Variants in PTP4A3 observed in about 807,000 individuals in gnomAD.
The protein encoded by PTP4A3 is protein tyrosine phosphatase type IVA 3.
Under a neutral mutation model 15.2 loss-of-function variants are expected in PTP4A3, and 9 were observed. The ratio of observed to expected loss-of-function variants is 0.59; its 90% confidence interval spans 0.36 to 1.03. The LOEUF (loss-of-function observed/expected upper bound fraction) is 1.03. Among genes scored for constraint, PTP4A3 ranks in the 50% least tolerant of loss-of-function variants. The probability of loss-of-function intolerance (pLI) is 0.02; values close to 1 mark genes in which losing one functional copy is unlikely to be tolerated. For synonymous variants in PTP4A3, 95 were observed against 102.0 expected (o/e 0.93, Z 0.41); for missense variants, 234 against 252.1 (o/e 0.93, Z 0.49).
chr8:141,417,182 C>T (rs141380256), intron 1 of PTP4A3, among the ~76,000 whole-genome samples: 141 of 152,264 alleles, frequency 9.3e-4, no homozygotes, highest in African/African-American at 3.2e-3. Flanking sequence ...GCATCAGTGC[C>T]GAGCCTCAGA....
At chr8:141,418,764 C>T (rs1338826026) in intron 1 of PTP4A3, among the ~76,000 whole-genome samples, 1 of 152,162 alleles carries the variant, frequency 6.6e-6, no homozygotes, top group African/African-American at 2.4e-5. Flanking sequence ...CCCCATTTCG[C>T]AGATGGGAAG....
At chr8:141,395,450 G>T (rs1358428296) in intron 1 of PTP4A3, among the ~76,000 whole-genome samples, 1 of 152,202 alleles carries the variant, frequency 6.6e-6, no homozygotes, top group Non-Finnish European at 1.5e-5. Flanking sequence ...CGGAACTGAG[G>T]GTCAGGGATG....
intron 1 of PTP4A3, among the ~76,000 whole-genome samples, chr8:141,403,274 G>T (rs958256534): frequency 1.3e-5 from 2 of 152,220 alleles, no homozygotes; most frequent in Non-Finnish European, 2.9e-5. Flanking sequence ...GCTGGGCACC[G>T]TGTGTGCCGT....
Position 141,422,364 on chromosome 8 carries a change from G to A in PTP4A3, c.105+19G>A, listed in dbSNP as rs369508086. 5.6e-6 allele frequency: 9 copies of A among 1,612,718 alleles called. No homozygotes were observed. Among genetic ancestry groups the A allele is most frequent in the African/African-American group, 5.3e-5 (4 of 74,922 alleles). On this transcript the variant is annotated intron_variant, in intron 2 of 5. Transcript: ENST00000521578. ...CATTGAGGTGAGTGGAGACGGAGGT[G>A]TGGCAGGCAGGTGGCCCAGGTGTCT...
chr8:141,395,801 G>T (rs1563722076), intron 1 of PTP4A3, among the ~76,000 whole-genome samples: 1 of 151,330 alleles, frequency 6.6e-6, no homozygotes, highest in Non-Finnish European at 1.5e-5. Flanking sequence ...TCCTCTCCTG[G>T]CATCTTCCCG....
chr8:141,394,292 G>C lies in PTP4A3; in HGVS notation c.-854+2208G>C, dbSNP rs1228785299. On this transcript the variant is annotated intron_variant, in intron 1 of 5. Transcript: ENST00000521578. ...GCTGGGAGCTCCTGGGCCTGGGGCT[G>C]GCAGATAGTGGTGATTTTTCGCCCC... Among the ~76,000 whole-genome samples the C allele has an allele frequency of 3.3e-5, 5 of 152,194 alleles. No individual in the cohort carries two copies. The East Asian group carries it at 9.6e-4, about 29-fold the overall frequency.
Position 141,412,628 on chromosome 8 carries a change from A to C in PTP4A3, c.-853-8760A>C, listed in dbSNP as rs548588749. Among the ~76,000 whole-genome samples, 9 of 152,322 alleles carry C rather than the reference A, an allele frequency of 5.9e-5. No homozygotes were observed. In the East Asian group the frequency reaches 1.2e-3, roughly 20 times the overall value. ...AAGGCCTGGCTCCATCCAGGCAGGCACATGGAATTCAGCCAAACTCTGGAT... is the reference window on the plus strand; with the variant it reads ...AAGGCCTGGCTCCATCCAGGCAGGCCCATGGAATTCAGCCAAACTCTGGAT... On this transcript the variant is annotated intron_variant, in intron 1 of 5. Coordinates refer to ENST00000521578, the MANE Select transcript of PTP4A3 (RefSeq NM_032611.3).
At chr8:141,429,015 C>T (rs1833720027) in intron 5 of PTP4A3, among the ~76,000 whole-genome samples, 1 of 152,272 alleles carries the variant, frequency 6.6e-6, no homozygotes, top group East Asian at 1.9e-4. Context: ...GTGGCTTTTG[C>T]TGTGTGGCTC....
chr8:141,406,793 G>A lies in PTP4A3; in HGVS notation c.-853-14595G>A, dbSNP rs1832737724. On this transcript the variant is annotated intron_variant, in intron 1 of 5. Coordinates refer to ENST00000521578, the MANE Select transcript of PTP4A3 (RefSeq NM_032611.3). This position sits in a 1 kb window ranked among gnomAD's most constrained non-coding sequence, Gnocchi z 4.5. ...AGCTCTCAAGGGCTGTAGGCACTTC[G>A]CCCTGAATCCTCCTCTGAGCCGGCT... 6.6e-6 allele frequency among the ~76,000 whole-genome samples: 1 copy of A among 152,094 alleles called. No individual in the cohort carries two copies. Among genetic ancestry groups the A allele is most frequent in the Admixed American group, 6.5e-5 (1 of 15,270 alleles).
In PTP4A3 at chr8:141,432,195, G is replaced by C. The variant is rs1223943863; in HGVS notation, c.*1151G>C. The C allele has an allele frequency of 6.6e-6, 1 of 152,108 alleles. No homozygotes were observed. Among genetic ancestry groups the C allele is most frequent in the Non-Finnish European group, 1.5e-5 (1 of 68,046 alleles). 9.4% of individuals were successfully genotyped at this position (152,108 alleles called of 1,614,324 possible). On this transcript the variant is annotated 3_prime_UTR_variant, in exon 6 of 6. Coordinates refer to ENST00000521578, the MANE Select transcript of PTP4A3 (RefSeq NM_032611.3). ...AGAGCCTGGGAGTGGTCTCCGTCCT[G>C]GGGCCCCAGGAGGTTCCCGCAAGGA...
intron 3 of PTP4A3, chr8:141,426,675 A>C: frequency 1.0e-6 from 1 of 985,332 alleles, no homozygotes; most frequent in Non-Finnish European, 1.2e-6. Context: ...CTCTATTCAG[A>C]AAGGGGTGGG....
In PTP4A3 at chr8:141,406,668, G is replaced by A. The variant is rs1279600645; in HGVS notation, c.-854+14584G>A. On this transcript the variant is annotated intron_variant, in intron 1 of 5. Coordinates refer to ENST00000521578, the MANE Select transcript of PTP4A3 (RefSeq NM_032611.3). This position sits in a 1 kb window ranked among gnomAD's most constrained non-coding sequence, Gnocchi z 4.5. ...AACTACAGTTTTGGTAGAGGTGCAA[G>A]TGGATTCTGTGTGGCACAGAAGATG... Among the ~76,000 whole-genome samples the A allele has an allele frequency of 6.6e-6, 1 of 152,216 alleles. No homozygotes were observed. The highest frequency in any genetic ancestry group is 1.5e-5 in the Non-Finnish European group (1 of 68,038).
At chr8:141,398,994 G>A (rs1832518048) in intron 1 of PTP4A3, among the ~76,000 whole-genome samples, 1 of 152,100 alleles carries the variant, frequency 6.6e-6, no homozygotes, top group South Asian at 2.1e-4. Flanking sequence ...CTTCCCACGG[G>A]ACCGGTGCTC....
At chr8:141,396,771 T>C (rs916440132) in intron 1 of PTP4A3, among the ~76,000 whole-genome samples, 1 of 152,296 alleles carries the variant, frequency 6.6e-6, no homozygotes, top group South Asian at 2.1e-4. Context: ...TGAGTCTCAG[T>C]GTTCCCTTCT....
At chr8:141,393,509 ATGC>A (rs534151364) in intron 1 of PTP4A3, among the ~76,000 whole-genome samples, 151 of 152,322 alleles carry the variant, frequency 9.9e-4, no homozygotes, top group African/African-American at 3.5e-3. Flanking sequence ...GCCAGGCCCA[ATGC>A]TGGACCTGGA....
chr8:141,427,166 C>T, intron 4 of PTP4A3, 97 bp downstream of exon 4: 1 of 1,508,776 alleles, frequency 6.6e-7, no homozygotes, highest in Non-Finnish European at 8.9e-7. Flanking sequence ...GAACACACGT[C>T]CACGCGACCT....
chr8:141,417,792 G>C (rs1336779420), intron 1 of PTP4A3, among the ~76,000 whole-genome samples: 1 of 152,014 alleles, frequency 6.6e-6, no homozygotes, highest in Admixed American at 6.5e-5. Context: ...TTCCCGGGCA[G>C]GGCGCGGCTA....
chr8:141,400,683 G>A (rs1832568325), intron 1 of PTP4A3, among the ~76,000 whole-genome samples: 1 of 152,198 alleles, frequency 6.6e-6, no homozygotes, highest in African/African-American at 2.4e-5. Context: ...AGGGTTGTTG[G>A]TGCCCGGCTG....
chr8:141,419,562 C>G (rs1179561892), intron 1 of PTP4A3, among the ~76,000 whole-genome samples: 1 of 145,598 alleles, frequency 6.9e-6, no homozygotes, highest in Admixed American at 7.0e-5. Context: ...GGGTCCCACC[C>G]CACCACCGGT....
Sources: allele counts gnomAD v4.1 joint callset (sites outside exome capture counted in the v4.1 genomes callset), GRCh38; gene constraint gnomAD v4.1.1; non-coding constraint Gnocchi (gnomAD v3.1); transcripts MANE v1.5; gene names NCBI Gene and HGNC (gene_info 2026-07-23, HGNC 2026-07-21).